STK36: variants seen among roughly 807,000 people sequenced by gnomAD.
The protein encoded by STK36 is serine/threonine-protein kinase 36.
A neutral mutation model predicts 142.2 loss-of-function variants in STK36; 116 were observed. The observed-to-expected ratio is 0.82, with a 90% CI of 0.70 to 0.95. The LOEUF (loss-of-function observed/expected upper bound fraction) is 0.95. Among genes scored for constraint, STK36 ranks in the 40% least tolerant of loss-of-function variants. The pLI, the probability that STK36 is intolerant of heterozygous loss-of-function variation, is 0.00. For synonymous variants in STK36, 619 were observed against 641.7 expected (o/e 0.96, Z 0.53); for missense variants, 1,422 against 1,617.2 (o/e 0.88, Z 2.07).
chr2:218,691,965 C>T (rs1941017739), intron 14 of STK36, among the ~76,000 whole-genome samples, 178 bp from the exon 15 acceptor site: 1 of 152,216 alleles, frequency 6.6e-6, no homozygotes, highest in Admixed American at 6.5e-5. Flanking sequence ...AATTATTGTC[C>T]TTGAAGCATG....
rs1219528933 is a variant in STK36, at chr2:218,675,447, T to TG, written c.410dup (p.Gly138TrpfsTer6). The stretch of plus-strand genomic sequence containing the variant: ...CTCAGAACATCCTCCTCGCCAAGGG[T>TG]GGTGGCATCAAGCTCTGTGACTTTG... On this transcript the variant is annotated frameshift_variant, in exon 5 of 27. Transcript: ENST00000295709. LOFTEE classifies it high-confidence loss of function. The TG allele has an allele frequency of 5.6e-6, 9 of 1,610,510 alleles. No individual in the cohort carries two copies. Among genetic ancestry groups the TG allele is most frequent in the Non-Finnish European group, 7.6e-6 (9 of 1,178,434 alleles).
At position 218,698,702 on chromosome 2, in the gene STK36, A is replaced by G; in HGVS notation, c.3158A>G (p.Asn1053Ser). The G allele has an allele frequency of 6.2e-7, 1 of 1,614,108 alleles. No individual in the cohort carries two copies. Among genetic ancestry groups the G allele is most frequent in the Non-Finnish European group, 8.5e-7 (1 of 1,180,024 alleles). The change falls in exon 26 of 27, where the codon AAC becomes AGC. Residue 1053 changes from asparagine (N) to serine (S), a missense_variant. Physicochemically the swap from Asn to Ser is conservative, Grantham distance 46. Coordinates refer to ENST00000295709, the MANE Select transcript of STK36 (RefSeq NM_015690.5). Reference sequence around the variant, plus strand: ...CCCACCTCTCTCAACCAGTTTGTGAACACAGTGTCTGCCTCCCCTAGAACC... The same window carrying G: ...CCCACCTCTCTCAACCAGTTTGTGAGCACAGTGTCTGCCTCCCCTAGAACC... ...MDPTSLNQFV[N>S]TVSASPRTIV... is the part of the protein sequence containing the mutation.
intron 25 of STK36, among the ~76,000 whole-genome samples, chr2:218,698,240 C>T (rs1941309510): frequency 6.6e-6 from 1 of 152,154 alleles, no homozygotes; most frequent in South Asian, 2.1e-4. Flanking sequence ...TGTTGGTGCT[C>T]ATTGGGGAGA....
At chr2:218,674,896 G>A (rs1024582623) in intron 4 of STK36, among the ~76,000 whole-genome samples, 9 of 152,116 alleles carry the variant, frequency 5.9e-5, no homozygotes, top group African/African-American at 2.2e-4. Context: ...CACCACGCCC[G>A]ACCACCATAT....
At chr2:218,698,166 G>C (rs1237090003) in intron 25 of STK36, among the ~76,000 whole-genome samples, 165 bp downstream of exon 25, 2 of 152,184 alleles carry the variant, frequency 1.3e-5, no homozygotes, top group African/African-American at 2.4e-5. Flanking sequence ...TGCGCATGTG[G>C]TGGAGGCATG....
chr2:218,697,911 C>T lies in STK36; in HGVS notation c.2967C>T (p.Cys989=), dbSNP rs903611061. ...VVVLSVCQLL[C]FPFALDMDAD... ...TGCTCTCTGTCTGCCAGCTCCTTTG[C>T]TTCCCCTTTGCGCTGGACATGGATG... The change falls in exon 25 of 27, where the codon TGC becomes TGT. Residue 989 remains cysteine (C), a synonymous_variant. Coordinates refer to ENST00000295709, the MANE Select transcript of STK36 (RefSeq NM_015690.5). 3 of 1,614,174 alleles carry T rather than the reference C, an allele frequency of 1.9e-6. No individual in the cohort carries two copies. The highest frequency in any genetic ancestry group is 2.7e-5 in the African/African-American group (2 of 75,046).
Position 218,694,499 on chromosome 2 carries a change from T to C in STK36, c.2401-26T>C. On this transcript the variant is annotated intron_variant, in intron 20 of 26. Coordinates refer to ENST00000295709, the MANE Select transcript of STK36 (RefSeq NM_015690.5). This position sits in a 1 kb window ranked among gnomAD's most constrained non-coding sequence, Gnocchi z 4.4. ...GAATGCCATTTAGATTTGGACATTCTTTCTCCTCTTTTACCTCTCCCACAG... is the reference window on the plus strand; with the variant it reads ...GAATGCCATTTAGATTTGGACATTCCTTCTCCTCTTTTACCTCTCCCACAG... 6.2e-7 allele frequency: 1 copy of C among 1,607,334 alleles called. No homozygotes were observed. Among genetic ancestry groups the C allele is most frequent in the East Asian group, 2.2e-5 (1 of 44,812 alleles).
At position 218,699,102 on chromosome 2, in the gene STK36, G is replaced by T. The variant is rs1470357638; in HGVS notation, c.3558G>T (p.Leu1186=). The T allele has an allele frequency of 6.2e-7, 1 of 1,614,054 alleles. No individual in the cohort carries two copies. ...ATGCAGCCTACCAGGCTGGTCCTCT[G>T]GGACCTGCCCTGGCAGCTGCAGTGC... ...VGNAAYQAGP[L]GPALAAAVPS... is the part of the protein sequence containing the mutation. The change falls in exon 26 of 27, where the codon CTG becomes CTT. Residue 1186 remains leucine (L), a synonymous_variant. Coordinates refer to ENST00000295709, the MANE Select transcript of STK36 (RefSeq NM_015690.5).
At chr2:218,686,031 G>A (rs990474217) in intron 11 of STK36, among the ~76,000 whole-genome samples, 1 of 150,510 alleles carries the variant, frequency 6.6e-6, no homozygotes, top group African/African-American at 2.5e-5. Context: ...TCTGCCCCGC[G>A]CAGGTTTAAG....
In STK36 at chr2:218,694,088, T is replaced by C; in HGVS notation, c.2336+105T>C. ...CCCTACAGCATATCCTTAGGAGGAATTGGGATAGAGAGCGTGAAGCTTTCT... is the reference window on the plus strand; with the variant it reads ...CCCTACAGCATATCCTTAGGAGGAACTGGGATAGAGAGCGTGAAGCTTTCT... On this transcript the variant is annotated intron_variant, in intron 19 of 26. Transcript: ENST00000295709. The surrounding 1 kb of genome is among the most constrained non-coding windows in gnomAD (Gnocchi z 4.4). 3 of 1,303,484 alleles carry C rather than the reference T, an allele frequency of 2.3e-6. No homozygotes were observed. The highest frequency in any genetic ancestry group is 3.3e-6 in the Non-Finnish European group (3 of 903,588). 80.7% of individuals were successfully genotyped at this position (1,303,484 alleles called of 1,614,324 possible).
rs1322515596 is a variant in STK36, at chr2:218,694,227, A to C, written c.2337-37A>C. 1.3e-6 allele frequency: 2 copies of C among 1,577,418 alleles called. No homozygotes were observed. Among genetic ancestry groups the C allele is most frequent in the African/African-American group, 1.3e-5 (1 of 74,166 alleles). On this transcript the variant is annotated intron_variant, in intron 19 of 26. Coordinates refer to ENST00000295709, the MANE Select transcript of STK36 (RefSeq NM_015690.5). This position sits in a 1 kb window ranked among gnomAD's most constrained non-coding sequence, Gnocchi z 4.4. ...GGAGGCCGCTTACCAACCTCCTTTAATACTGCTGCATCCCTTGATGTATCT... is the reference window on the plus strand; with the variant it reads ...GGAGGCCGCTTACCAACCTCCTTTACTACTGCTGCATCCCTTGATGTATCT...
intron 6 of STK36, 113 bp downstream of exon 6, chr2:218,676,391 A>C (rs1940247893): frequency 3.7e-6 from 5 of 1,340,746 alleles, no homozygotes; most frequent in Non-Finnish European, 5.1e-6. Context: ...GCAGTTACTG[A>C]ATTAATGGCT....
chr2:218,700,163 C>T (rs1248390789), intron 26 of STK36, among the ~76,000 whole-genome samples: 1 of 152,050 alleles, frequency 6.6e-6, no homozygotes, highest in Non-Finnish European at 1.5e-5. Flanking sequence ...TCAGGTGATC[C>T]ACCTGCCTTG....
In STK36 at chr2:218,693,391, G is replaced by A. The variant is rs114022661; in HGVS notation, c.2148+47G>A. On this transcript the variant is annotated intron_variant, in intron 17 of 26. Transcript: ENST00000295709. ...ATCACAGCTTTATTTTTAACTCCCA[G>A]TGCAGACAGAGAAGCAGAGAAACAG... 9.3e-4 allele frequency: 1,441 copies of A among 1,547,542 alleles called. 15 individuals carry two copies. The African/African-American group carries it at 0.018, about 20-fold the overall frequency.
At chr2:218,683,114 T>C (rs1940607890) in intron 10 of STK36, among the ~76,000 whole-genome samples, 1 of 152,272 alleles carries the variant, frequency 6.6e-6, no homozygotes, top group African/African-American at 2.4e-5. Context: ...TTTTTATTTA[T>C]TTATTTGAGA....
Position 218,694,383 on chromosome 2 carries a change from G to A in STK36, c.2400+56G>A. On this transcript the variant is annotated intron_variant, in intron 20 of 26. Coordinates refer to ENST00000295709, the MANE Select transcript of STK36 (RefSeq NM_015690.5). The surrounding 1 kb of genome is among the most constrained non-coding windows in gnomAD (Gnocchi z 4.4). Reference sequence around the variant, plus strand: ...TTTCACCCTAGCATCTACCCCTTGTGGAAGTGGGGGAGTCACTATCCAATT... The same window carrying A: ...TTTCACCCTAGCATCTACCCCTTGTAGAAGTGGGGGAGTCACTATCCAATT... 1 of 1,549,964 alleles carries A rather than the reference G, an allele frequency of 6.5e-7. No individual in the cohort carries two copies. The highest frequency in any genetic ancestry group is 2.2e-5 in the East Asian group (1 of 44,574).
chr2:218,697,394 G>T, intron 23 of STK36, 69 bp from the exon 24 acceptor site: 4 of 1,584,648 alleles, frequency 2.5e-6, no homozygotes, highest in Non-Finnish European at 3.4e-6. Context: ...AGCCCTGGGA[G>T]CTGTGGGGAA....
At position 218,675,367 on chromosome 2, in the gene STK36, G is replaced by A. The variant is rs780331330; in HGVS notation, c.328G>A (p.Val110Met). 2 of 1,612,228 alleles carry A rather than the reference G, an allele frequency of 1.2e-6. No homozygotes were observed. Among genetic ancestry groups the A allele is most frequent in the Non-Finnish European group, 1.7e-6 (2 of 1,179,350 alleles). Residue 110 changes from valine to methionine, a missense_variant, in exon 5 of 27, where the codon GTG becomes ATG. Physicochemically the swap from Val to Met is conservative, Grantham distance 21. Transcript: ENST00000295709. ...DQVQAIAAQL[V>M]SALYYLHSHR... ...GGTTCAGGCCATTGCTGCCCAGTTG[G>A]TGTCAGCCCTGTACTATCTGCATTC...
Position 218,675,339 on chromosome 2 carries a change from C to T in STK36, c.304-4C>T. Reference sequence around the variant, plus strand: ...TTTCTTTCTTCCACCTCTTTAATTTCTAGGTTCAGGCCATTGCTGCCCAGT... The same window carrying T: ...TTTCTTTCTTCCACCTCTTTAATTTTTAGGTTCAGGCCATTGCTGCCCAGT... On this transcript the variant is annotated splice_region_variant and splice_polypyrimidine_tract_variant and intron_variant, in intron 4 of 26. Coordinates refer to ENST00000295709, the MANE Select transcript of STK36 (RefSeq NM_015690.5). 6.3e-7 allele frequency: 1 copy of T among 1,595,366 alleles called. No homozygotes were observed. Among genetic ancestry groups the T allele is most frequent in the Non-Finnish European group, 8.5e-7 (1 of 1,171,098 alleles).
Sources: gnomAD v4.1 joint callset for allele counts (sites outside exome capture counted in the v4.1 genomes callset) on GRCh38, gnomAD v4.1.1 for gene constraint, Gnocchi (gnomAD v3.1) non-coding constraint, MANE v1.5 for transcripts, NCBI Gene and HGNC (gene_info 2026-07-23, HGNC 2026-07-21) for gene names.